Variants in ACOT7 observed in about 807,000 individuals in gnomAD.
The protein encoded by ACOT7 is acyl-CoA thioesterase 7.
A neutral mutation model predicts 40.2 loss-of-function variants in ACOT7; 12 were observed. That is an observed-to-expected ratio of 0.30 (90% CI 0.19 to 0.48). ACOT7 has a LOEUF of 0.48. Among genes scored for constraint, ACOT7 ranks in the 20% least tolerant of loss-of-function variants. The pLI, the probability that ACOT7 is intolerant of heterozygous loss-of-function variation, is 0.99. For missense variants in ACOT7, 395 were observed against 530.8 expected (o/e 0.74, Z 2.51); for synonymous variants, 228 against 219.5 (o/e 1.04, Z -0.34).
In ACOT7 at chr1:6,266,748, G is replaced by A. The variant is rs549405472; in HGVS notation, c.1015-2053C>T. 6.6e-5 allele frequency among the ~76,000 whole-genome samples: 10 copies of A among 152,396 alleles called. No individual in the cohort carries two copies. The South Asian group carries it at 1.4e-3, about 22-fold the overall frequency. ...CTTGTCTGCCTGCAGCGGCAAGGCC[G>A]AGGCTCAGCAGAGGAGCGGCCGCCC... On this transcript the variant is annotated intron_variant, in intron 8 of 8. Coordinates refer to ENST00000361521, the MANE Select transcript of ACOT7 (RefSeq NM_007274.4).
intron 1 of ACOT7, among the ~76,000 whole-genome samples, chr1:6,377,584 G>GA (rs555036620): frequency 2.7e-4 from 41 of 152,260 alleles, no homozygotes; most frequent in African/African-American, 9.4e-4. Context: ...TAAGGTACAA[G>GA]ACAAGGTGAG....
At chr1:6,379,271 C>G (rs1359975051) in intron 1 of ACOT7, among the ~76,000 whole-genome samples, 1 of 151,856 alleles carries the variant, frequency 6.6e-6, no homozygotes, top group Non-Finnish European at 1.5e-5. Context: ...AGAAAGGATG[C>G]AGCGGCTGTC....
intron 7 of ACOT7, among the ~76,000 whole-genome samples, chr1:6,286,491 G>A (rs1340957438): frequency 1.3e-5 from 2 of 152,198 alleles, no homozygotes; most frequent in Non-Finnish European, 1.5e-5. Flanking sequence ...CGGAGGCTAC[G>A]AAGCCATGCG....
At chr1:6,317,548 G>T (rs565017631) in intron 6 of ACOT7, among the ~76,000 whole-genome samples, 1 of 152,052 alleles carries the variant, frequency 6.6e-6, no homozygotes, top group African/African-American at 2.4e-5. Flanking sequence ...AGTCACTGCC[G>T]GTGAGTCACG....
At chr1:6,297,821 G>C (rs1639853700) in intron 6 of ACOT7, among the ~76,000 whole-genome samples, 1 of 152,170 alleles carries the variant, frequency 6.6e-6, no homozygotes, top group Non-Finnish European at 1.5e-5. Context: ...GGCAGGAACG[G>C]GCAGGTGTTG....
At position 6,359,556 on chromosome 1, in the gene ACOT7, T is replaced by C. The variant is rs117135840; in HGVS notation, c.144-9690A>G. Among the ~76,000 whole-genome samples the C allele has an allele frequency of 2.2e-4, 33 of 151,968 alleles. No individual in the cohort carries two copies. The East Asian group carries it at 6.4e-3, about 30-fold the overall frequency. On this transcript the variant is annotated intron_variant, in intron 1 of 8. Transcript: ENST00000361521. The surrounding 1 kb of genome is among the most constrained non-coding windows in gnomAD (Gnocchi z 4.1). ...CCCTTCCTCCACTCCCGCGGGCTCT[T>C]AGGCTGCCGGCTGCCACCTGTGGGC...
intron 8 of ACOT7, among the ~76,000 whole-genome samples, chr1:6,268,072 G>A (rs952137187): frequency 6.6e-6 from 1 of 152,210 alleles, no homozygotes; most frequent in South Asian, 2.1e-4. Context: ...GTGGATTGGC[G>A]GTTGCCTGGG....
chr1:6,314,867 TG>T (rs1177931328), intron 6 of ACOT7, among the ~76,000 whole-genome samples: 2 of 150,746 alleles, frequency 1.3e-5, no homozygotes, highest in African/African-American at 4.9e-5. Flanking sequence ...TCCTCCCTCA[TG>T]GGACGATGAC....
At chr1:6,273,974 G>A (rs1437537797) in intron 8 of ACOT7, among the ~76,000 whole-genome samples, 1 of 152,206 alleles carries the variant, frequency 6.6e-6, no homozygotes, top group Admixed American at 6.5e-5. Flanking sequence ...CCTACATCCT[G>A]GGACCGGACC....
At chr1:6,317,369 G>T (rs1270645585) in intron 6 of ACOT7, among the ~76,000 whole-genome samples, 1 of 152,174 alleles carries the variant, frequency 6.6e-6, no homozygotes, top group Non-Finnish European at 1.5e-5. Flanking sequence ...CATTATTAAA[G>T]TAAAAAGTGT....
chr1:6,266,548 C>A (rs1244387612), intron 8 of ACOT7, among the ~76,000 whole-genome samples: 3 of 152,266 alleles, frequency 2.0e-5, no homozygotes, highest in African/African-American at 7.2e-5. Flanking sequence ...CTGTGGCCCG[C>A]GGACCACATC....
intron 1 of ACOT7, among the ~76,000 whole-genome samples, chr1:6,354,124 G>A (rs538572914): frequency 6.6e-5 from 10 of 151,904 alleles, no homozygotes; most frequent in East Asian, 1.9e-4. Context: ...GCTAATGGAC[G>A]CAGATGCTGC....
chr1:6,388,737 T>TAA (rs34026058), intron 1 of ACOT7, among the ~76,000 whole-genome samples: 10 of 84,626 alleles, frequency 1.2e-4, no homozygotes, highest in African/African-American at 1.8e-4. Context: ...GAGACTCTCT[T>TAA]AAAAAAAAAA....
intron 2 of ACOT7, among the ~76,000 whole-genome samples, chr1:6,341,858 C>T (rs557627183): frequency 6.6e-6 from 1 of 152,236 alleles, no homozygotes; most frequent in African/African-American, 2.4e-5. Context: ...CTGGCCACCT[C>T]GTCTCCTGTC....
At chr1:6,320,523 T>C (rs1640615867) in intron 5 of ACOT7, among the ~76,000 whole-genome samples, 1 of 152,180 alleles carries the variant, frequency 6.6e-6, no homozygotes, top group African/African-American at 2.4e-5. Flanking sequence ...CGTAGCTCCA[T>C]TACTTTTAAT....
At chr1:6,389,055 A>T (rs1642490076) in intron 1 of ACOT7, among the ~76,000 whole-genome samples, 1 of 152,014 alleles carries the variant, frequency 6.6e-6, no homozygotes, top group Non-Finnish European at 1.5e-5. Flanking sequence ...AAAAAAAAAA[A>T]AAAAGACAAA....
At chr1:6,305,226 G>A (rs1378480106) in intron 6 of ACOT7, among the ~76,000 whole-genome samples, 2 of 149,454 alleles carry the variant, frequency 1.3e-5, no homozygotes, top group Non-Finnish European at 3.0e-5. Context: ...CTTCCCGGAC[G>A]GGGCGGCGGG....
At chr1:6,298,559 G>A (rs971871090) in intron 6 of ACOT7, among the ~76,000 whole-genome samples, 15 of 152,204 alleles carry the variant, frequency 9.9e-5, no homozygotes, top group Non-Finnish European at 1.6e-4. Flanking sequence ...GTTTGGCAAG[G>A]GAAAGAATCC....
At position 6,306,108 on chromosome 1, in the gene ACOT7, A is replaced by T. The variant is rs1043429520; in HGVS notation, c.713-11128T>A. On this transcript the variant is annotated intron_variant, in intron 6 of 8. Coordinates refer to ENST00000361521, the MANE Select transcript of ACOT7 (RefSeq NM_007274.4). The surrounding 1 kb of genome is among the most constrained non-coding windows in gnomAD (Gnocchi z 4.3). Reference sequence around the variant, plus strand: ...GCAGGCTGAGGCAGGAGAATCAGGCAGGGAGGTTGCAGTGAGCCAAGATGG... The same window carrying T: ...GCAGGCTGAGGCAGGAGAATCAGGCTGGGAGGTTGCAGTGAGCCAAGATGG... The T allele has an allele frequency of 8.5e-4, 322 of 380,426 alleles. No individual in the cohort carries two copies. Among genetic ancestry groups the T allele is most frequent in the Admixed American group, 3.6e-3 (55 of 15,380 alleles). The allele number at this position is 380,426 out of a possible 1,614,324, so 23.6% of individuals were successfully genotyped here.
Sources: allele counts gnomAD v4.1 joint callset (sites outside exome capture counted in the v4.1 genomes callset), GRCh38; gene constraint gnomAD v4.1.1; non-coding constraint Gnocchi (gnomAD v3.1); transcripts MANE v1.5; gene names NCBI Gene and HGNC (gene_info 2026-07-23, HGNC 2026-07-21).